C19orf44: variants seen among roughly 807,000 people sequenced by gnomAD.
The protein encoded by C19orf44 is chromosome 19 open reading frame 44, also known as uncharacterized protein C19orf44.
In C19orf44, 43 loss-of-function variants were observed where a neutral mutation model predicts 50.7. The ratio of observed to expected loss-of-function variants is 0.85; its 90% confidence interval spans 0.66 to 1.09. C19orf44 has a LOEUF of 1.09. Among genes scored for constraint, C19orf44 ranks in the 50% least tolerant of loss-of-function variants. C19orf44 has a pLI of 0.00. For missense variants in C19orf44, 722 were observed against 836.2 expected (o/e 0.86, Z 1.68); for synonymous variants, 298 against 334.7 (o/e 0.89, Z 1.20).
rs1329421378 is a variant in C19orf44 at position 16,521,222 on chromosome 19, GGAA to G, written c.*1171_*1173del. Reference sequence around the variant, plus strand: ...GTGGACAGGCCTGCAGCCCAGCACAGGAAGGAGGGGTGACCACTGGGAAGGGTG... The same window carrying G: ...GTGGACAGGCCTGCAGCCCAGCACAGGGAGGGGTGACCACTGGGAAGGGTG... On this transcript the variant is annotated 3_prime_UTR_variant, in exon 9 of 9. Transcript: ENST00000221671. The G allele has an allele frequency of 7.0e-6, 4 of 572,858 alleles. No homozygotes were observed. Among genetic ancestry groups the G allele is most frequent in the African/African-American group, 1.9e-5 (1 of 53,400 alleles). 35.5% of individuals were successfully genotyped at this position (572,858 alleles called of 1,614,324 possible).
At chr19:16,503,494 G>T (rs2093431910) in intron 3 of C19orf44, 114 bp downstream of exon 3, 17 of 1,067,058 alleles carry the variant, frequency 1.6e-5, no homozygotes, top group Non-Finnish European at 2.3e-5. Flanking sequence ...GTTTTGAGTC[G>T]CATCTCACAC....
chr19:16,520,235 G>C lies in C19orf44; in HGVS notation c.*182G>C. 1 of 1,613,466 alleles carries C rather than the reference G, an allele frequency of 6.2e-7. No individual in the cohort carries two copies. The highest frequency in any genetic ancestry group is 8.5e-7 in the Non-Finnish European group (1 of 1,180,026). On this transcript the variant is annotated 3_prime_UTR_variant, in exon 9 of 9. Coordinates refer to ENST00000221671, the MANE Select transcript of C19orf44 (RefSeq NM_032207.4). The surrounding 1 kb of genome is among the most constrained non-coding windows in gnomAD (Gnocchi z 4.0). ...GGGACCGCGACTGGGACCGGGAGCG[G>C]CTTCTGGAGGAGCGCGACCTGCTCC...
At chr19:16,513,391 G>A (rs1036182197) in intron 6 of C19orf44, among the ~76,000 whole-genome samples, 1 of 152,092 alleles carries the variant, frequency 6.6e-6, no homozygotes, top group East Asian at 1.9e-4. Context: ...CACTTTTTTT[G>A]TTTGTTCGTT....
Position 16,519,441 on chromosome 19 carries a change from G to T in C19orf44, c.*41-653G>T. 7.0e-7 allele frequency: 1 copy of T among 1,423,132 alleles called. No individual in the cohort carries two copies. The highest frequency in any genetic ancestry group is 1.4e-5 in the African/African-American group (1 of 70,600). 88.2% of individuals were successfully genotyped at this position (1,423,132 alleles called of 1,614,324 possible). Reference sequence around the variant, plus strand: ...GCTGAATGTCCAGACAGGCAGTGTAGACATGGGAAATGGGTAGAGAGAACC... The same window carrying T: ...GCTGAATGTCCAGACAGGCAGTGTATACATGGGAAATGGGTAGAGAGAACC... On this transcript the variant is annotated intron_variant, in intron 8 of 8. Coordinates refer to ENST00000221671, the MANE Select transcript of C19orf44 (RefSeq NM_032207.4). This position sits in a 1 kb window ranked among gnomAD's most constrained non-coding sequence, Gnocchi z 6.0.
intron 5 of C19orf44, among the ~76,000 whole-genome samples, chr19:16,512,119 AG>A (rs2093459102): frequency 6.7e-6 from 1 of 150,170 alleles, no homozygotes. Context: ...CCCCCAGGAG[AG>A]GGTGAGTGGT....
chr19:16,499,969 A>G (rs1244218543), intron 1 of C19orf44, among the ~76,000 whole-genome samples: 1 of 151,946 alleles, frequency 6.6e-6, no homozygotes, highest in Non-Finnish European at 1.5e-5. Context: ...TTGTATTTTT[A>G]GTAGAGACGG....
At position 16,505,141 on chromosome 19, in the gene C19orf44, C is replaced by A. The variant is rs190952871; in HGVS notation, c.1076-1560C>A. Among the ~76,000 whole-genome samples, 5 of 152,070 alleles carry A rather than the reference C, an allele frequency of 3.3e-5. No individual in the cohort carries two copies. The East Asian group carries it at 9.7e-4, about 29-fold the overall frequency. On this transcript the variant is annotated intron_variant, in intron 3 of 8. Transcript: ENST00000221671. ...GGTCAGGCTGGTCTTGAACTCCTGA[C>A]CTTGTGATCTGTTCTCCTCAGCCTC...
chr19:16,513,207 T>G (rs2093462773), intron 6 of C19orf44, 98 bp downstream of exon 6: 1 of 1,232,356 alleles, frequency 8.1e-7, no homozygotes, highest in Middle Eastern at 1.9e-4. Context: ...ACCCCTTGCA[T>G]GCTGGCTTCC....
At chr19:16,506,132 C>G (rs1476880442) in intron 3 of C19orf44, among the ~76,000 whole-genome samples, 5 of 151,864 alleles carry the variant, frequency 3.3e-5, no homozygotes, top group African/African-American at 1.2e-4. Context: ...CCCGCCACCA[C>G]GCCTGGCTAA....
intron 7 of C19orf44, among the ~76,000 whole-genome samples, chr19:16,516,886 C>T (rs1599741280): frequency 6.6e-6 from 1 of 152,226 alleles, no homozygotes; most frequent in East Asian, 1.9e-4. Context: ...TCAGCCCATC[C>T]GATGCAGGCA....
chr19:16,520,166 G>A lies in C19orf44; in HGVS notation c.*113G>A, dbSNP rs1298984701. The A allele has an allele frequency of 6.2e-7, 1 of 1,612,538 alleles. No individual in the cohort carries two copies. Among genetic ancestry groups the A allele is most frequent in the East Asian group, 2.2e-5 (1 of 44,878 alleles). ...GATCTTACGGCGGGGTGGGGCTCCT[G>A]GACCGTGACCGGCGTCTTCTTCCTG... On this transcript the variant is annotated 3_prime_UTR_variant, in exon 9 of 9. Coordinates refer to ENST00000221671, the MANE Select transcript of C19orf44 (RefSeq NM_032207.4). The surrounding 1 kb of genome is among the most constrained non-coding windows in gnomAD (Gnocchi z 4.0).
intron 4 of C19orf44, among the ~76,000 whole-genome samples, chr19:16,508,396 C>G (rs566704511): frequency 3.1e-4 from 47 of 152,156 alleles, no homozygotes; most frequent in Admixed American, 6.6e-5. Flanking sequence ...CGCCACCATG[C>G]CTGGCCCAAT....
chr19:16,508,721 T>TA (rs1335718074), intron 4 of C19orf44, among the ~76,000 whole-genome samples: 12 of 152,152 alleles, frequency 7.9e-5, no homozygotes, highest in South Asian at 4.1e-4. Context: ...TTTTTTTTCT[T>TA]ACAGAGGTAG....
In C19orf44 at chr19:16,511,965, A is replaced by T. The variant is rs139170902; in HGVS notation, c.1640-1049A>T. Among the ~76,000 whole-genome samples the T allele has an allele frequency of 3.0e-3, 431 of 144,472 alleles. 1 individual carries two copies. Among genetic ancestry groups the T allele is most frequent in the Non-Finnish European group, 5.4e-3 (360 of 66,424 alleles). The allele number at this position is 144,472 out of a possible 152,430, so 94.8% of individuals were successfully genotyped here. A position where few individuals can be genotyped will look rare whatever the true frequency, so the allele number is the denominator to read the frequency against. On this transcript the variant is annotated intron_variant, in intron 5 of 8. Coordinates refer to ENST00000221671, the MANE Select transcript of C19orf44 (RefSeq NM_032207.4). ...AGAAGGTGGAGGTTGCAGTGAGCTG[A>T]GATCGTGCCATAGCACCCCAGCCTG...
Position 16,500,914 on chromosome 19 carries a change from C to G in C19orf44, c.122C>G (p.Thr41Ser). The change falls in exon 2 of 9, where the codon ACC becomes AGC. Residue 41 changes from threonine to serine, a missense_variant. Thr to Ser is a moderately conservative substitution (Grantham distance 58). Transcript: ENST00000221671. ...IRNFQISRNL[T>S]KIAPGHSRFL... ...AACTTCCAGATCAGTAGAAATCTTA[C>G]CAAAATAGCACCTGGTCATAGCAGA... The G allele has an allele frequency of 1.2e-6, 2 of 1,613,926 alleles. No homozygotes were observed. The highest frequency in any genetic ancestry group is 1.7e-6 in the Non-Finnish European group (2 of 1,179,990).
chr19:16,519,877 G>A lies in C19orf44; in HGVS notation c.*41-217G>A. ...CTACCCGTTTATCCTGTCTCAGCTA[G>A]ATAAGGGGGCTCCAGACGCTGGCCC... On this transcript the variant is annotated intron_variant, in intron 8 of 8. Coordinates refer to ENST00000221671, the MANE Select transcript of C19orf44 (RefSeq NM_032207.4). This position sits in a 1 kb window ranked among gnomAD's most constrained non-coding sequence, Gnocchi z 6.0. The A allele has an allele frequency of 1.4e-6, 1 of 710,688 alleles. No homozygotes were observed. The highest frequency in any genetic ancestry group is 2.4e-6 in the Non-Finnish European group (1 of 409,570). 44.0% of individuals were successfully genotyped at this position (710,688 alleles called of 1,614,324 possible). A position where few individuals can be genotyped will look rare whatever the true frequency, so the allele number is the denominator to read the frequency against.
chr19:16,520,717 G>A lies in C19orf44; in HGVS notation c.*664G>A, dbSNP rs965351202. On this transcript the variant is annotated 3_prime_UTR_variant, in exon 9 of 9. Transcript: ENST00000221671. The surrounding 1 kb of genome is among the most constrained non-coding windows in gnomAD (Gnocchi z 4.0). The stretch of plus-strand genomic sequence containing the variant: ...CCTTGTGGAAAACACCGCCCCATAG[G>A]CACAGGCTGTGTGAGGGTGGACGTG... 265 of 1,234,786 alleles carry A rather than the reference G, an allele frequency of 2.1e-4. No individual in the cohort carries two copies. The highest frequency in any genetic ancestry group is 5.0e-4 in the Middle Eastern group (2 of 3,984). The allele number at this position is 1,234,786 out of a possible 1,614,324, so 76.5% of individuals were successfully genotyped here. A position where few individuals can be genotyped will look rare whatever the true frequency, so the allele number is the denominator to read the frequency against.
At chr19:16,502,418 A>T (rs1485404962) in intron 2 of C19orf44, among the ~76,000 whole-genome samples, 1 of 150,542 alleles carries the variant, frequency 6.6e-6, no homozygotes, top group Non-Finnish European at 1.5e-5. Context: ...TTGTATTTTT[A>T]GTAGAGATGG....
chr19:16,508,842 CAG>C (rs2093448032), intron 4 of C19orf44, among the ~76,000 whole-genome samples: 1 of 150,366 alleles, frequency 6.7e-6, no homozygotes, highest in Non-Finnish European at 1.5e-5. Context: ...TTTTTTGAGA[CAG>C]AGTTTTGCTC....
Sources: gnomAD v4.1 joint callset for allele counts (sites outside exome capture counted in the v4.1 genomes callset) on GRCh38, gnomAD v4.1.1 for gene constraint, Gnocchi (gnomAD v3.1) non-coding constraint, MANE v1.5 for transcripts, NCBI Gene and HGNC (gene_info 2026-07-23, HGNC 2026-07-21) for gene names.